MEI4: variants seen among roughly 807,000 people sequenced by gnomAD.
The protein encoded by MEI4 is meiosis-specific protein MEI4.
MEI4 carries 27 observed loss-of-function variants against 31.4 expected under a neutral mutation model. The ratio of observed to expected loss-of-function variants is 0.86; its 90% CI spans 0.63 to 1.19. The LOEUF (loss-of-function observed/expected upper bound fraction) is 1.19. Ranked by LOEUF, MEI4 falls within the 50% of genes most tolerant of loss-of-function variation. MEI4 has a pLI of 0.00. For synonymous variants in MEI4, 122 were observed against 145.4 expected, an observed-to-expected ratio of 0.84 and a Z score of 1.16; for missense variants, 329 against 398.9, an observed-to-expected ratio of 0.82 and a Z score of 1.49.
intron 1 of MEI4, among the ~76,000 whole-genome samples, chr6:77,654,427 T>C (rs2127640198): frequency 6.6e-6 from 1 of 151,840 alleles, no homozygotes; most frequent in African/African-American, 2.4e-5. Context: ...TCAGGTTCTC[T>C]GACATGCACT....
At chr6:77,681,026 TG>T (rs1010281426) in intron 1 of MEI4, among the ~76,000 whole-genome samples, 1 of 152,140 alleles carries the variant, frequency 6.6e-6, no homozygotes, top group African/African-American at 2.4e-5. Flanking sequence ...ATGACTTTTT[TG>T]GATAGGGCCA....
intron 4 of MEI4, among the ~76,000 whole-genome samples, chr6:77,880,079 A>T (rs752339891): frequency 8.5e-5 from 13 of 152,254 alleles, no homozygotes; most frequent in Non-Finnish European, 1.8e-4. Context: ...GTGGAGTTCT[A>T]TCAGAGAATT....
At chr6:77,746,140 T>TA (rs1767595199) in intron 2 of MEI4, among the ~76,000 whole-genome samples, 1 of 151,786 alleles carries the variant, frequency 6.6e-6, no homozygotes, top group African/African-American at 2.4e-5. Context: ...CTGAAGGAAA[T>TA]AGAGACACAA....
intron 3 of MEI4, among the ~76,000 whole-genome samples, chr6:77,802,875 C>A (rs1389762160): frequency 6.6e-6 from 1 of 152,182 alleles, no homozygotes; most frequent in Non-Finnish European, 1.5e-5. Context: ...TTGTGGTTAA[C>A]CCGACCTTTC....
In MEI4 at chr6:77,740,687, C is replaced by T. The variant is rs147765674; in HGVS notation, c.233-20443C>T. Among the ~76,000 whole-genome samples, 569 of 152,100 alleles carry T rather than the reference C, an allele frequency of 3.7e-3. 4 individuals carry two copies. Among genetic ancestry groups the T allele is most frequent in the African/African-American group, 0.013 (543 of 41,478 alleles). The stretch of plus-strand genomic sequence containing the variant: ...GCTAGGAAATCATAGATGGTACTAA[C>T]AAATTGTGTATACCTGTGATGTTAT... On this transcript the variant is annotated intron_variant, in intron 2 of 4. Transcript: ENST00000684080.
At chr6:77,753,893 C>T (rs1163836791) in intron 2 of MEI4, among the ~76,000 whole-genome samples, 1 of 152,146 alleles carries the variant, frequency 6.6e-6, no homozygotes, top group Non-Finnish European at 1.5e-5. Context: ...AAATGTGGCA[C>T]ATATACACCA....
chr6:77,770,077 A>G (rs767077494), intron 3 of MEI4, among the ~76,000 whole-genome samples: 7 of 152,036 alleles, frequency 4.6e-5, no homozygotes, highest in African/African-American at 7.2e-5. Context: ...AAAAACCTTT[A>G]GCTAGACTAA....
At chr6:77,686,518 T>A (rs1184496965) in intron 1 of MEI4, among the ~76,000 whole-genome samples, 1 of 152,162 alleles carries the variant, frequency 6.6e-6, no homozygotes, top group Non-Finnish European at 1.5e-5. Flanking sequence ...TACTGTTTTA[T>A]GTTTTACTGT....
intron 3 of MEI4, among the ~76,000 whole-genome samples, chr6:77,790,021 A>G (rs1768871910): frequency 6.6e-6 from 1 of 152,064 alleles, no homozygotes; most frequent in African/African-American, 2.4e-5. Context: ...TCCAACAATG[A>G]TAGACTGGAT....
intron 4 of MEI4, among the ~76,000 whole-genome samples, chr6:77,865,620 A>G (rs944429257): frequency 1.3e-5 from 2 of 152,178 alleles, no homozygotes; most frequent in Admixed American, 6.5e-5. Flanking sequence ...CCAGGACCAG[A>G]TGGATTCACA....
At chr6:77,788,742 T>G (rs368377516) in intron 3 of MEI4, among the ~76,000 whole-genome samples, 2 of 151,908 alleles carry the variant, frequency 1.3e-5, no homozygotes, top group African/African-American at 2.4e-5. Context: ...CACTGCTCAA[T>G]GAAATAAAAG....
At chr6:77,862,762 C>T (rs9341702) in intron 4 of MEI4, among the ~76,000 whole-genome samples, 41,937 of 152,120 alleles carry the variant, frequency 0.28, 6,022 homozygotes, top group East Asian at 0.36. Context: ...GATCTGAGAA[C>T]GGACAGACGG....
At position 77,820,761 on chromosome 6, in the gene MEI4, T is replaced by C. The variant is rs983450495; in HGVS notation, c.769-8170T>C. Among the ~76,000 whole-genome samples the C allele has an allele frequency of 3.9e-5, 6 of 152,110 alleles. No individual in the cohort carries two copies. The highest frequency in any genetic ancestry group is 1.4e-4 in the African/African-American group (6 of 41,436). ...AGATGTATGGCTTTTATTGTTGCTA[T>C]TAATTATGTTGTCAGTCTAATTGTT... On this transcript the variant is annotated intron_variant, in intron 3 of 4. Transcript: ENST00000684080. The surrounding 1 kb of genome is among the most constrained non-coding windows in gnomAD (Gnocchi z 4.5).
intron 1 of MEI4, among the ~76,000 whole-genome samples, chr6:77,676,594 G>A (rs181513989): frequency 4.9e-4 from 75 of 152,180 alleles, no homozygotes; most frequent in Admixed American, 2.9e-3. Flanking sequence ...TGGTATTTGC[G>A]TGCTTTGTAG....
At chr6:77,729,425 G>A (rs562607783) in intron 2 of MEI4, among the ~76,000 whole-genome samples, 1 of 152,312 alleles carries the variant, frequency 6.6e-6, no homozygotes, top group Non-Finnish European at 1.5e-5. Context: ...GTAGTATCTG[G>A]GTTTTACACC....
At chr6:77,732,610 A>G (rs1378964020) in intron 2 of MEI4, among the ~76,000 whole-genome samples, 3 of 138,620 alleles carry the variant, frequency 2.2e-5, no homozygotes, top group Non-Finnish European at 4.9e-5. Context: ...CTAATTGAAT[A>G]CCCTTTATTT....
chr6:77,732,641 C>G (rs1472059252), intron 2 of MEI4, among the ~76,000 whole-genome samples: 1 of 151,484 alleles, frequency 6.6e-6, no homozygotes, highest in African/African-American at 2.4e-5. Context: ...CCTAATTGCC[C>G]TGGCCAAGAC....
chr6:77,831,957 C>T (rs1770094454), intron 4 of MEI4, among the ~76,000 whole-genome samples: 1 of 151,872 alleles, frequency 6.6e-6, no homozygotes, highest in African/African-American at 2.4e-5. Context: ...TAAATGTTTG[C>T]AATGATAGAT....
chr6:77,910,344 G>A (rs1766404103), intron 4 of MEI4, among the ~76,000 whole-genome samples: 1 of 152,114 alleles, frequency 6.6e-6, no homozygotes, highest in African/African-American at 2.4e-5. Context: ...TAAGCTGATA[G>A]GCAACTTCAG....
Sources: allele counts gnomAD v4.1 joint callset (sites outside exome capture counted in the v4.1 genomes callset), GRCh38; gene constraint gnomAD v4.1.1; non-coding constraint Gnocchi (gnomAD v3.1); transcripts MANE v1.5; gene names NCBI Gene and HGNC (gene_info 2026-07-23, HGNC 2026-07-21).